The following MIS18BP1 variants were observed in gnomAD, a reference collection of about 807,000 sequenced individuals.
MIS18BP1 encodes the protein MIS18 binding protein 1.
MIS18BP1 carries 72 observed loss-of-function variants against 116.1 expected under a neutral mutation model. The ratio of observed to expected loss-of-function variants is 0.62; its 90% confidence interval spans 0.51 to 0.75. The LOEUF (loss-of-function observed/expected upper bound fraction) is 0.75, where lower values mean the gene tolerates loss of function less well. Among genes scored for constraint, MIS18BP1 ranks in the 30% least tolerant of loss-of-function variants. MIS18BP1 has a pLI of 0.00. For missense variants in MIS18BP1, 1,363 were observed against 1,303.2 expected, an observed-to-expected ratio of 1.05 and a Z score of -0.71; for synonymous variants, 386 against 427.0, an observed-to-expected ratio of 0.90 and a Z score of 1.18.
intron 11 of MIS18BP1, among the ~76,000 whole-genome samples, chr14:45,221,557 G>T (rs1429894444): frequency 2.6e-5 from 4 of 152,032 alleles, no homozygotes; most frequent in Admixed American, 2.6e-4. Flanking sequence ...TCAACCACTT[G>T]GAAATTTTCC....
At position 45,250,516 on chromosome 14, in the gene MIS18BP1, T is replaced by C. The variant is rs561668754; in HGVS notation, c.-92+2519A>G. Among the ~76,000 whole-genome samples, 12 of 152,070 alleles carry C rather than the reference T, an allele frequency of 7.9e-5. No homozygotes were observed. In the South Asian group the frequency reaches 2.5e-3, roughly 32 times the overall value. ...AACGCCTGTCCTGAAGCCAAGCACATTTGTTGACCTAACAGATGGAGGTCA... is the reference window on the plus strand; with the variant it reads ...AACGCCTGTCCTGAAGCCAAGCACACTTGTTGACCTAACAGATGGAGGTCA... On this transcript the variant is annotated intron_variant, in intron 1 of 16. Coordinates refer to ENST00000310806, the MANE Select transcript of MIS18BP1 (RefSeq NM_018353.5).
At chr14:45,208,741 A>T (rs774709702) in intron 14 of MIS18BP1, among the ~76,000 whole-genome samples, 70 of 152,164 alleles carry the variant, frequency 4.6e-4, no homozygotes, top group Non-Finnish European at 7.2e-4. Context: ...ACTAAAAATA[A>T]TTTTTAGATG....
At chr14:45,206,343 G>A in intron 14 of MIS18BP1, 173 bp from the exon 15 acceptor site, 1 of 531,212 alleles carries the variant, frequency 1.9e-6, no homozygotes, top group East Asian at 3.4e-5. Flanking sequence ...CTGGAGTGCA[G>A]TAACATGATA....
rs376125583 is a variant in MIS18BP1 at position 45,242,486 on chromosome 14, A to G, written c.691T>C (p.Phe231Leu). Residue 231 changes from phenylalanine (F) to leucine (L), a missense_variant, in exon 4 of 17, where the codon TTT becomes CTT. Physicochemically the swap from Phe to Leu is conservative, Grantham distance 22. Coordinates refer to ENST00000310806, the MANE Select transcript of MIS18BP1 (RefSeq NM_018353.5). ...LPTLNQEQEN[F>L]LAVEARNKTL... ...TTGTTTCGGGCTTCTACAGCCAAAA[A>G]ATTTTCCTGTTCTTGGTTCAGAGTT... 1.3e-6 allele frequency: 2 copies of G among 1,595,654 alleles called. No homozygotes were observed. The highest frequency in any genetic ancestry group is 2.2e-5 in the East Asian group (1 of 44,808).
intron 15 of MIS18BP1, among the ~76,000 whole-genome samples, chr14:45,205,689 A>G (rs1167479271): frequency 2.0e-5 from 3 of 152,222 alleles, no homozygotes; most frequent in Admixed American, 6.5e-5. Context: ...TTTTAAAGCT[A>G]CATAGAATTT....
intron 11 of MIS18BP1, among the ~76,000 whole-genome samples, chr14:45,221,994 T>C (rs1436832771): frequency 1.3e-5 from 2 of 152,244 alleles, no homozygotes; most frequent in Non-Finnish European, 2.9e-5. Flanking sequence ...TCATTTGTAA[T>C]GTCTTTCTTT....
chr14:45,245,765 T>C (rs1891706718), intron 2 of MIS18BP1, among the ~76,000 whole-genome samples: 2 of 152,226 alleles, frequency 1.3e-5, no homozygotes, highest in African/African-American at 4.8e-5. Context: ...TGACCTCATC[T>C]AATCTCATTG....
intron 1 of MIS18BP1, 146 bp from the exon 2 acceptor site, chr14:45,247,523 A>G (rs1891755795): frequency 3.0e-6 from 1 of 335,350 alleles, no homozygotes; most frequent in African/African-American, 2.1e-5. Context: ...CTAAGATTTT[A>G]TTTTTGTTAA....
chr14:45,210,417 G>A lies in MIS18BP1; in HGVS notation c.3115C>T (p.Gln1039Ter), dbSNP rs371208717. 8 of 1,613,832 alleles carry A rather than the reference G, an allele frequency of 5.0e-6. No homozygotes were observed. Among genetic ancestry groups the A allele is most frequent in the African/African-American group, 1.3e-5 (1 of 74,900 alleles). The part of the protein sequence containing the change: ...IFPLVKTPQC[Q>*]HVSPGMLGSI... Reference sequence around the variant, plus strand: ...CCTAGCATGCCAGGACTGACATGCTGACATTGAGGAGTTTTTACCAATGGA... The same window carrying A: ...CCTAGCATGCCAGGACTGACATGCTAACATTGAGGAGTTTTTACCAATGGA... The change falls in exon 14 of 17, where the codon CAG becomes TAG. Residue 1039 changes from glutamine (Q) to a stop codon, truncating the protein, a stop_gained. Transcript: ENST00000310806. LOFTEE classifies it high-confidence loss of function.
intron 1 of MIS18BP1, among the ~76,000 whole-genome samples, chr14:45,249,376 T>C (rs1250767748): frequency 6.6e-6 from 1 of 151,866 alleles, no homozygotes; most frequent in Non-Finnish European, 1.5e-5. Flanking sequence ...ATGAGCCACC[T>C]GAGTTATGTT....
At chr14:45,230,674 T>C (rs1320473219) in intron 8 of MIS18BP1, among the ~76,000 whole-genome samples, 2 of 152,158 alleles carry the variant, frequency 1.3e-5, no homozygotes, top group South Asian at 4.1e-4. Context: ...AACTGGAGTG[T>C]TGTAGCACAA....
At chr14:45,211,697 C>T (rs1240739923) in intron 13 of MIS18BP1, among the ~76,000 whole-genome samples, 1 of 152,168 alleles carries the variant, frequency 6.6e-6, no homozygotes, top group Non-Finnish European at 1.5e-5. Context: ...TGTGTATTCA[C>T]AGGAGGCTCC....
chr14:45,215,103 A>AT (rs1890779964), intron 13 of MIS18BP1, among the ~76,000 whole-genome samples: 1 of 152,240 alleles, frequency 6.6e-6, no homozygotes, highest in African/African-American at 2.4e-5. Flanking sequence ...ATACATATAT[A>AT]GAACCTGAAA....
chr14:45,241,240 C>A (rs1261614824), intron 4 of MIS18BP1, among the ~76,000 whole-genome samples: 1 of 152,110 alleles, frequency 6.6e-6, no homozygotes, highest in Non-Finnish European at 1.5e-5. Flanking sequence ...GAGGCCGAGG[C>A]GGGAGGATCA....
In MIS18BP1 at chr14:45,204,120, CAG is replaced by C; in HGVS notation, c.3386_3387del (p.Ser1129Ter). The C allele has an allele frequency of 6.2e-7, 1 of 1,608,908 alleles. No individual in the cohort carries two copies. On this transcript the variant is annotated frameshift_variant, in exon 17 of 17. Coordinates refer to ENST00000310806, the MANE Select transcript of MIS18BP1 (RefSeq NM_018353.5). LOFTEE classifies it high-confidence loss of function. ...EEEKDYYFSN[S>X]DSA Reference sequence around the variant, plus strand: ...ATTTTCTCATTTTACTATGCAGAATCAGAGTTCGAAAAATAATAATCTTTCTC... The same window carrying C: ...ATTTTCTCATTTTACTATGCAGAATCAGTTCGAAAAATAATAATCTTTCTC...
chr14:45,218,386 C>G lies in MIS18BP1; in HGVS notation c.2738G>C (p.Arg913Pro), dbSNP rs377170034. The change falls in exon 12 of 17, where the codon CGA (arginine) becomes CCA (proline). Residue 913 changes from arginine (R) to proline (P), a missense_variant. Physicochemically the swap from Arg to Pro is moderately radical, Grantham distance 103. Coordinates refer to ENST00000310806, the MANE Select transcript of MIS18BP1 (RefSeq NM_018353.5). ...WSEVAAAVGS[R>P]SPEECQRKYM... is the part of the protein sequence containing the mutation. ...TTTCCTCTGGCATTCTTCAGGAGAT[C>G]GAGAACCTACAGCCGCAGCTACCTC... 6.2e-7 allele frequency: 1 copy of G among 1,613,900 alleles called. No individual in the cohort carries two copies. Among genetic ancestry groups the G allele is most frequent in the Non-Finnish European group, 8.5e-7 (1 of 1,179,980 alleles).
rs768617877 is a variant in MIS18BP1, at chr14:45,227,624, A to G, written c.1746+39T>C. 6 of 1,559,030 alleles carry G rather than the reference A, an allele frequency of 3.8e-6. No individual in the cohort carries two copies. In the Middle Eastern group the frequency reaches 8.8e-4, roughly 229 times the overall value. On this transcript the variant is annotated intron_variant, in intron 9 of 16. Transcript: ENST00000310806. ...TTTCAGTAGTAAATCACCCTTCTAA[A>G]TATCAACTTGAACTATACAGTGTAC... is the stretch of plus-strand genomic sequence containing the variant.
chr14:45,232,744 C>T lies in MIS18BP1; in HGVS notation c.1425G>A (p.Leu475=). ...ENWKEHIDNF[L]EQLRAGEKNR... Reference sequence around the variant, plus strand: ...AAACAACATTTTACCTTAATTGTTCCAGAAAATTATCAATGTGCTCTTTCC... The same window carrying T: ...AAACAACATTTTACCTTAATTGTTCTAGAAAATTATCAATGTGCTCTTTCC... Residue 475 remains leucine (L), a synonymous_variant, in exon 7 of 17, where the codon CTG becomes CTA. Transcript: ENST00000310806. 6.9e-7 allele frequency: 1 copy of T among 1,454,620 alleles called. No individual in the cohort carries two copies. Among genetic ancestry groups the T allele is most frequent in the Middle Eastern group, 1.9e-4 (1 of 5,170 alleles). The allele number at this position is 1,454,620 out of a possible 1,614,324, so 90.1% of individuals were successfully genotyped here.
chr14:45,226,876 A>C (rs745365769), intron 9 of MIS18BP1, 40 bp from the exon 10 acceptor site: 1 of 1,281,550 alleles, frequency 7.8e-7, no homozygotes, highest in Non-Finnish European at 1.0e-6. Context: ...TTTTAAAACT[A>C]CTACCAAAAC....
Sources: allele counts gnomAD v4.1 joint callset (sites outside exome capture counted in the v4.1 genomes callset), GRCh38; gene constraint gnomAD v4.1.1; transcripts MANE v1.5; gene names NCBI Gene and HGNC (gene_info 2026-07-23, HGNC 2026-07-21).